Variants in GLI3 observed in about 807,000 individuals in gnomAD.
The protein encoded by GLI3 is GLI family zinc finger 3.
Under a neutral mutation model 100.8 loss-of-function variants are expected in GLI3, and 20 were observed. The ratio of observed to expected loss-of-function variants is 0.20; its 90% CI spans 0.14 to 0.29. GLI3 has a LOEUF of 0.29. Ranked by LOEUF, GLI3 falls within the 10% of genes least tolerant of loss-of-function variation. The probability of loss-of-function intolerance (pLI) is 1.00; values close to 1 mark genes in which losing one functional copy is unlikely to be tolerated. For missense variants in GLI3, 2,040 were observed against 2,128.5 expected (o/e 0.96, Z 0.82); for synonymous variants, 938 against 860.5 (o/e 1.09, Z -1.58).
Position 42,216,664 on chromosome 7 carries a change from A to C in GLI3, c.124+6466T>G, listed in dbSNP as rs146087070. On this transcript the variant is annotated intron_variant, in intron 2 of 14. Coordinates refer to ENST00000395925, the MANE Select transcript of GLI3 (RefSeq NM_000168.6). The stretch of plus-strand genomic sequence containing the variant: ...CTCTAAAACATGAAGTCTATTACTT[A>C]AAATAATAATAATTTTAAAAATAAA... Among the ~76,000 whole-genome samples the C allele has an allele frequency of 2.4e-4, 37 of 152,308 alleles. 1 individual carries two copies. The highest frequency in any genetic ancestry group is 7.9e-4 in the African/African-American group (33 of 41,574).
chr7:42,235,307 T>C (rs1270766026), intron 1 of GLI3, among the ~76,000 whole-genome samples: 1 of 152,186 alleles, frequency 6.6e-6, no homozygotes, highest in Non-Finnish European at 1.5e-5. Flanking sequence ...GGTCAATTCT[T>C]GTAGATTTCG....
chr7:42,236,425 C>G (rs1343132892), intron 1 of GLI3, among the ~76,000 whole-genome samples: 1 of 152,220 alleles, frequency 6.6e-6, no homozygotes, highest in Non-Finnish European at 1.5e-5. Flanking sequence ...GCGCCTCTCT[C>G]CATCCGCTCA....
chr7:42,071,977 A>G (rs565746195), intron 4 of GLI3, among the ~76,000 whole-genome samples: 6 of 152,204 alleles, frequency 3.9e-5, no homozygotes, highest in African/African-American at 7.2e-5. Context: ...CATTGACTCA[A>G]CAAAGAAAAA....
intron 3 of GLI3, among the ~76,000 whole-genome samples, chr7:42,125,189 A>C (rs1786095268): frequency 6.6e-6 from 1 of 152,220 alleles, no homozygotes; most frequent in Non-Finnish European, 1.5e-5. Context: ...AGTATTTGTA[A>C]GTACCAACAA....
At chr7:42,262,511 C>T (rs976759263) in intron 1 of GLI3, among the ~76,000 whole-genome samples, 8 of 152,134 alleles carry the variant, frequency 5.3e-5, no homozygotes, top group African/African-American at 1.7e-4. Flanking sequence ...CCTCCTGCCC[C>T]GGCCTCCCAA....
chr7:41,999,161 C>A (rs565414007), intron 10 of GLI3, among the ~76,000 whole-genome samples: 2 of 152,172 alleles, frequency 1.3e-5, no homozygotes, highest in African/African-American at 4.8e-5. Context: ...AAATGCTGGA[C>A]CTTAGATGGC....
chr7:42,093,636 G>A (rs1289048999), intron 3 of GLI3, among the ~76,000 whole-genome samples: 1 of 152,060 alleles, frequency 6.6e-6, no homozygotes, highest in Non-Finnish European at 1.5e-5. Context: ...AATGCCAACT[G>A]TAATAAATCA....
intron 10 of GLI3, among the ~76,000 whole-genome samples, chr7:41,992,959 T>C (rs1788031065): frequency 6.6e-6 from 1 of 152,194 alleles, no homozygotes; most frequent in Non-Finnish European, 1.5e-5. Flanking sequence ...GAAATCAATA[T>C]AGCACTCGAG....
At chr7:42,183,713 C>T (rs180927634) in intron 2 of GLI3, among the ~76,000 whole-genome samples, 7 of 152,222 alleles carry the variant, frequency 4.6e-5, no homozygotes, top group Admixed American at 6.5e-5. Flanking sequence ...TTGCTCAAGT[C>T]AAAAAACGAT....
chr7:42,050,830 G>C (rs1647568811), intron 4 of GLI3, among the ~76,000 whole-genome samples: 1 of 152,188 alleles, frequency 6.6e-6, no homozygotes, highest in South Asian at 2.1e-4. Flanking sequence ...TTCCAGAGTT[G>C]AGAAGAGTGG....
chr7:42,220,157 T>G (rs1788458330), intron 2 of GLI3, among the ~76,000 whole-genome samples: 1 of 152,194 alleles, frequency 6.6e-6, no homozygotes, highest in Non-Finnish European at 1.5e-5. Context: ...TGGCCGAAAC[T>G]GAACTCATTT....
At chr7:41,983,677 A>G (rs1787735447) in intron 10 of GLI3, among the ~76,000 whole-genome samples, 1 of 152,210 alleles carries the variant, frequency 6.6e-6, no homozygotes, top group Non-Finnish European at 1.5e-5. Context: ...AGAAAGAGAT[A>G]GATGGTGTAA....
rs554405441 is a variant in GLI3, at chr7:41,964,246, C to A, written c.*84G>T. ...TGAGATTGCTAAAATACATACAGAA[C>A]TAAAAAAACAGCCAAAACAAAGTCA... On this transcript the variant is annotated 3_prime_UTR_variant, in exon 15 of 15. Transcript: ENST00000395925. 1.7e-6 allele frequency: 2 copies of A among 1,201,996 alleles called. No homozygotes were observed. Among genetic ancestry groups the A allele is most frequent in the South Asian group, 1.3e-5 (1 of 78,536 alleles). 74.5% of individuals were successfully genotyped at this position (1,201,996 alleles called of 1,614,324 possible).
chr7:42,200,478 G>C (rs557022144), intron 2 of GLI3, among the ~76,000 whole-genome samples: 7 of 152,156 alleles, frequency 4.6e-5, no homozygotes, highest in African/African-American at 1.7e-4. Flanking sequence ...GCCAGAGAAC[G>C]CTCCACTACC....
intron 1 of GLI3, among the ~76,000 whole-genome samples, chr7:42,224,928 G>C (rs1309860193): frequency 6.6e-6 from 1 of 152,164 alleles, no homozygotes; most frequent in East Asian, 1.9e-4. Context: ...TCTTAAGAAG[G>C]TGTTAAAAGT....
chr7:42,093,628 T>C (rs1441728554), intron 3 of GLI3, among the ~76,000 whole-genome samples: 2 of 152,148 alleles, frequency 1.3e-5, no homozygotes, highest in Non-Finnish European at 2.9e-5. Flanking sequence ...AAACCTCAAA[T>C]GCCAACTGTA....
intron 3 of GLI3, among the ~76,000 whole-genome samples, chr7:42,111,252 A>G (rs1785699057): frequency 6.6e-6 from 1 of 152,196 alleles, no homozygotes; most frequent in African/African-American, 2.4e-5. Context: ...ATGCATGCAG[A>G]GTGCTGGGAT....
At chr7:42,159,553 A>G (rs1787084135) in intron 2 of GLI3, among the ~76,000 whole-genome samples, 2 of 152,218 alleles carry the variant, frequency 1.3e-5, no homozygotes, top group African/African-American at 4.8e-5. Flanking sequence ...ACAAAACCAG[A>G]CTACTTCTTA....
chr7:42,196,392 G>A (rs929245114), intron 2 of GLI3, among the ~76,000 whole-genome samples: 1 of 152,130 alleles, frequency 6.6e-6, no homozygotes, highest in Non-Finnish European at 1.5e-5. Flanking sequence ...AGCTTTACAG[G>A]AGACTAAATA....
Sources: gnomAD v4.1 joint callset for allele counts (sites outside exome capture counted in the v4.1 genomes callset) on GRCh38, gnomAD v4.1.1 for gene constraint, MANE v1.5 for transcripts, NCBI Gene and HGNC (gene_info 2026-07-23, HGNC 2026-07-21) for gene names.